ZNF444: variants seen among roughly 807,000 people sequenced by gnomAD.
The protein encoded by ZNF444 is zinc finger protein 444, also known as endothelial zinc finger protein 2.
Under a neutral mutation model 14.4 loss-of-function variants are expected in ZNF444, and 8 were observed. The ratio of observed to expected loss-of-function variants is 0.56; its 90% CI spans 0.33 to 1.00. The LOEUF (loss-of-function observed/expected upper bound fraction) is 1.00, where lower values mean the gene tolerates loss of function less well. ZNF444 is among the 50% of genes least tolerant of loss of function. The pLI is 0.03. For synonymous variants in ZNF444, 258 were observed against 235.9 expected (o/e 1.09, Z -0.86); for missense variants, 510 against 504.8 (o/e 1.01, Z -0.10).
intron 1 of ZNF444, among the ~76,000 whole-genome samples, chr19:56,136,034 A>G (rs997623572): frequency 1.5e-5 from 2 of 129,336 alleles, no homozygotes; most frequent in Non-Finnish European, 3.1e-5. Flanking sequence ...GTGAGCCAAG[A>G]TCTCACCACT....
chr19:56,159,528 G>T, intron 4 of ZNF444, 96 bp from the exon 5 acceptor site: 2 of 1,122,496 alleles, frequency 1.8e-6, no homozygotes, highest in Admixed American at 3.1e-5. Context: ...AATGGTTTCT[G>T]CCTTTAAGCG....
chr19:56,159,969 C>A lies in ZNF444; in HGVS notation c.752C>A (p.Ala251Glu). ...CTGCCCGCCCGTGAGAAGCCCCACG[C>A]GTGCTGCGAGTGTGGCAAGACCTTC... Reference protein sequence around the residue: ...RPLPAREKPHACCECGKTFYW... With the variant: ...RPLPAREKPHECCECGKTFYW... Residue 251 changes from alanine (A) to glutamate (E), a missense_variant, in exon 5 of 5, where the codon GCG becomes GAG. By Grantham distance (107) the Ala-to-Glu change is moderately radical (BLOSUM62 -1). Transcript: ENST00000337080. 1 of 1,510,626 alleles carries A rather than the reference C, an allele frequency of 6.6e-7. No individual in the cohort carries two copies. Among genetic ancestry groups the A allele is most frequent in the East Asian group, 2.6e-5 (1 of 37,802 alleles). The allele number at this position is 1,510,626 out of a possible 1,614,324, so 93.6% of individuals were successfully genotyped here.
chr19:56,156,553 G>C (rs1223218294), intron 3 of ZNF444: 1 of 152,248 alleles, frequency 6.6e-6, no homozygotes, highest in Non-Finnish European at 1.5e-5. Flanking sequence ...ATGGCCAGAG[G>C]TGGGGGAAGA....
intron 1 of ZNF444, among the ~76,000 whole-genome samples, chr19:56,134,885 C>T (rs990219828): frequency 1.3e-5 from 2 of 151,158 alleles, no homozygotes; most frequent in African/African-American, 2.4e-5. Context: ...AGGAGGCTGA[C>T]GCAGGAGGAT....
At chr19:56,158,259 A>G (rs679082) in intron 3 of ZNF444, 58,673 of 448,278 alleles carry the variant, frequency 0.13, 5,422 homozygotes, top group East Asian at 0.35. Flanking sequence ...AGTGTTGGCC[A>G]GGCTGTCATC....
intron 3 of ZNF444, chr19:56,156,962 G>A (rs1260694137): frequency 6.6e-6 from 1 of 152,260 alleles, no homozygotes; most frequent in Non-Finnish European, 1.5e-5. Flanking sequence ...CTGTGCCCAA[G>A]ATCTCTGGGA....
chr19:56,146,343 GCA>G lies in ZNF444; in HGVS notation c.-96_-95del, dbSNP rs112467057. The G allele has an allele frequency of 1.3e-5, 2 of 152,704 alleles. No individual in the cohort carries two copies. Among genetic ancestry groups the G allele is most frequent in the Middle Eastern group, 3.4e-3 (1 of 296 alleles). The allele number at this position is 152,704 out of a possible 1,614,324, so 9.5% of individuals were successfully genotyped here. A position where few individuals can be genotyped will look rare whatever the true frequency, so the allele number is the denominator to read the frequency against. Reference sequence around the variant, plus strand: ...TTGACTCCCTGGGATCCCAGGAAGGGCACACCCTTTCCTCACCACCCGAGTGA... The same window carrying G: ...TTGACTCCCTGGGATCCCAGGAAGGGCACCCTTTCCTCACCACCCGAGTGA... On this transcript the variant is annotated 5_prime_UTR_variant, in exon 2 of 5. Coordinates refer to ENST00000337080, the MANE Select transcript of ZNF444 (RefSeq NM_018337.4).
At position 56,160,367 on chromosome 19, in the gene ZNF444, A is replaced by T; in HGVS notation, c.*166A>T. Reference sequence around the variant, plus strand: ...CCCAACGCCTTCCTATTCCTTTCCAACTCCTTTTCCCCCAAATTTCACTTT... The same window carrying T: ...CCCAACGCCTTCCTATTCCTTTCCATCTCCTTTTCCCCCAAATTTCACTTT... On this transcript the variant is annotated 3_prime_UTR_variant, in exon 5 of 5. Transcript: ENST00000337080. 1 of 510,244 alleles carries T rather than the reference A, an allele frequency of 2.0e-6. No homozygotes were observed. Among genetic ancestry groups the T allele is most frequent in the Non-Finnish European group, 3.2e-6 (1 of 308,320 alleles). 31.6% of individuals were successfully genotyped at this position (510,244 alleles called of 1,614,324 possible). A position where few individuals can be genotyped will look rare whatever the true frequency, so the allele number is the denominator to read the frequency against.
chr19:56,155,579 G>C (rs1337064121), intron 3 of ZNF444: 1 of 152,498 alleles, frequency 6.6e-6, no homozygotes, highest in African/African-American at 2.4e-5. Flanking sequence ...CTCTGGACAG[G>C]GCTGAGCCTC....
Position 56,144,454 on chromosome 19 carries a change from T to C in ZNF444, c.-196-1793T>C, listed in dbSNP as rs1238225445. Among the ~76,000 whole-genome samples the C allele has an allele frequency of 6.6e-6, 1 of 151,914 alleles. No homozygotes were observed. Among genetic ancestry groups the C allele is most frequent in the African/African-American group, 2.4e-5 (1 of 41,356 alleles). ...GGGTTTTGAGCATCACAGGAAGCAG[T>C]TGGAGGGCACTGAGCAAGGAAGTGA... is the stretch of plus-strand genomic sequence containing the variant. On this transcript the variant is annotated intron_variant, in intron 1 of 4. Transcript: ENST00000337080. This position sits in a 1 kb window ranked among gnomAD's most constrained non-coding sequence, Gnocchi z 4.0.
upstream of ZNF444, among the ~76,000 whole-genome samples, chr19:56,139,266 T>C (rs539905514): frequency 2.0e-5 from 3 of 152,078 alleles, no homozygotes; most frequent in African/African-American, 7.2e-5. Context: ...CATGACAGTG[T>C]CTAAAGAGGC....
At chr19:56,159,558 C>G in intron 4 of ZNF444, 66 bp from the exon 5 acceptor site, 2 of 1,360,748 alleles carry the variant, frequency 1.5e-6, no homozygotes, top group East Asian at 2.7e-5. Flanking sequence ...TGCCTCCACC[C>G]CAGCCTGTGC....
upstream of ZNF444, among the ~76,000 whole-genome samples, chr19:56,136,703 G>C (rs999255391): frequency 1.1e-4 from 17 of 152,170 alleles, no homozygotes; most frequent in African/African-American, 2.9e-4. Context: ...GCATCCCCTG[G>C]AGGCCTTGTT....
chr19:56,151,082 A>G, intron 3 of ZNF444: 4 of 250,916 alleles, frequency 1.6e-5, no homozygotes, highest in Non-Finnish European at 2.9e-5. Context: ...GTTTCTTGGC[A>G]TCTGGTCTGT....
At position 56,160,084 on chromosome 19, in the gene ZNF444, C is replaced by A; in HGVS notation, c.867C>A (p.Arg289=). 6.7e-7 allele frequency: 1 copy of A among 1,499,740 alleles called. No homozygotes were observed. Among genetic ancestry groups the A allele is most frequent in the East Asian group, 2.7e-5 (1 of 37,412 alleles). 92.9% of individuals were successfully genotyped at this position (1,499,740 alleles called of 1,614,324 possible). Reference sequence around the variant, plus strand: ...GGGAGTGTGGCAAGGGCTTCGGGCGCCGCGAGCACGTGCTGCGCCACCAGC... The same window carrying A: ...GGGAGTGTGGCAAGGGCTTCGGGCGACGCGAGCACGTGCTGCGCCACCAGC... ...ACWECGKGFG[R]REHVLRHQRI... Residue 289 remains arginine (R), a synonymous_variant, in exon 5 of 5, where the codon CGC becomes CGA. Transcript: ENST00000337080.
At chr19:56,148,065 C>T (rs190610966) in intron 3 of ZNF444, among the ~76,000 whole-genome samples, 113 of 152,298 alleles carry the variant, frequency 7.4e-4, no homozygotes, top group Middle Eastern at 6.8e-3. Context: ...GTTATGTGAG[C>T]TGCACATGCC....
intron 2 of ZNF444, among the ~76,000 whole-genome samples, chr19:56,146,689 C>T (rs2031203910): frequency 6.6e-6 from 1 of 152,130 alleles, no homozygotes; most frequent in African/African-American, 2.4e-5. Flanking sequence ...CTCAGGAAGC[C>T]AAGGCAGGAG....
chr19:56,140,493 C>A (rs930902254), upstream of ZNF444, among the ~76,000 whole-genome samples: 1 of 152,150 alleles, frequency 6.6e-6, no homozygotes, highest in African/African-American at 2.4e-5. Flanking sequence ...CCAATTCACC[C>A]CAGGGGAAAC....
At chr19:56,152,009 A>T in intron 3 of ZNF444, 1 of 432,756 alleles carries the variant, frequency 2.3e-6, no homozygotes, top group South Asian at 1.6e-5. Context: ...TACTGGTAGA[A>T]AGCAGTAGAG....
Sources: gnomAD v4.1 joint callset for allele counts (sites outside exome capture counted in the v4.1 genomes callset) on GRCh38, gnomAD v4.1.1 for gene constraint, Gnocchi (gnomAD v3.1) non-coding constraint, MANE v1.5 for transcripts, NCBI Gene and HGNC (gene_info 2026-07-23, HGNC 2026-07-21) for gene names.